The following ACO1 variants were observed in gnomAD, a reference collection of about 807,000 sequenced individuals.
ACO1 encodes cytoplasmic aconitate hydratase.
ACO1 carries 78 observed loss-of-function variants against 105.1 expected under a neutral mutation model. The observed-to-expected ratio is 0.74, with a 90% CI of 0.62 to 0.90. The LOEUF is 0.90. Among genes scored for constraint, ACO1 ranks in the 40% least tolerant of loss-of-function variants. The pLI is 0.00. For synonymous variants in ACO1, 364 were observed against 397.4 expected (o/e 0.92, Z 1.00); for missense variants, 965 against 1,111.1 (o/e 0.87, Z 1.87).
intron 17 of ACO1, chr9:32,436,022 C>A: frequency 1.5e-6 from 1 of 674,672 alleles, no homozygotes; most frequent in East Asian, 2.9e-5. Context: ...GACAATTAAC[C>A]CAGGAGAATA....
chr9:32,431,173 CA>C (rs1822226654), intron 14 of ACO1, among the ~76,000 whole-genome samples: 1 of 152,172 alleles, frequency 6.6e-6, no homozygotes, highest in Non-Finnish European at 1.5e-5. Flanking sequence ...CGGTCATTCA[CA>C]GATCAGCACA....
At chr9:32,388,099 C>T (rs2118317037) in intron 1 of ACO1, among the ~76,000 whole-genome samples, 1 of 152,290 alleles carries the variant, frequency 6.6e-6, no homozygotes, top group South Asian at 2.1e-4. Context: ...CAACTCCCTC[C>T]CTGGAGCCAT....
chr9:32,424,382 GATTA>G (rs1205159892), intron 9 of ACO1, among the ~76,000 whole-genome samples, 163 bp from the exon 10 acceptor site: 1 of 152,196 alleles, frequency 6.6e-6, no homozygotes, highest in African/African-American at 2.4e-5. Context: ...AATCACTTAA[GATTA>G]ATTAAGAGGA....
chr9:32,449,786 T>C (rs1481454067), intron 20 of ACO1, among the ~76,000 whole-genome samples: 2 of 152,162 alleles, frequency 1.3e-5, no homozygotes, highest in Non-Finnish European at 2.9e-5. Context: ...TCTCAAACTG[T>C]AATGGGCAAA....
rs979404314 is a variant in ACO1, at chr9:32,422,203, A to T, written c.971-1116A>T. Among the ~76,000 whole-genome samples, 5 of 152,302 alleles carry T rather than the reference A, an allele frequency of 3.3e-5. No individual in the cohort carries two copies. In the East Asian group the frequency reaches 9.6e-4, roughly 29 times the overall value. On this transcript the variant is annotated intron_variant, in intron 8 of 20. Transcript: ENST00000309951. ...AGTTCCCGTGGTGCTGCAGGTGGCC[A>T]TTATACTTCTTGGTAATCCAGTGCC...
Position 32,395,165 on chromosome 9 carries a change from ACTT to A in ACO1, c.-22-10317_-22-10315del, listed in dbSNP as rs1821346610. On this transcript the variant is annotated intron_variant, in intron 1 of 20. Transcript: ENST00000309951. The stretch of plus-strand genomic sequence containing the variant: ...GAAAGTACAGCTGTCTTCACCCACT[ACTT>A]CTCCTCCTCTTAAAACATAAATGCA... 2.0e-5 allele frequency among the ~76,000 whole-genome samples: 3 copies of A among 152,180 alleles called. No homozygotes were observed. The South Asian group carries it at 6.2e-4, about 32-fold the overall frequency.
At chr9:32,410,892 G>A (rs1821723761) in intron 4 of ACO1, among the ~76,000 whole-genome samples, 1 of 152,212 alleles carries the variant, frequency 6.6e-6, no homozygotes, top group African/African-American at 2.4e-5. Flanking sequence ...GCTTTGCACT[G>A]CAGTAGCCAG....
rs764295557 is a variant in ACO1 at position 32,434,649 on chromosome 9, G to C, written c.2047G>C (p.Ala683Pro). 2 of 1,614,106 alleles carry C rather than the reference G, an allele frequency of 1.2e-6. No homozygotes were observed. The highest frequency in any genetic ancestry group is 2.2e-5 in the South Asian group (2 of 91,080). ...GGTAACAACTGACCACATCTCCCCA[G>C]CTGGAAATATTGCAAGAAACAGTCC... ...DSVTTDHISP[A>P]GNIARNSPAA... Residue 683 changes from alanine (A) to proline (P), a missense_variant, in exon 17 of 21, where the codon GCT becomes CCT. Physicochemically the swap from Ala to Pro is conservative, Grantham distance 27. Coordinates refer to ENST00000309951, the MANE Select transcript of ACO1 (RefSeq NM_002197.3).
chr9:32,394,296 G>T (rs1028715981), intron 1 of ACO1, among the ~76,000 whole-genome samples: 5 of 152,130 alleles, frequency 3.3e-5, no homozygotes, highest in African/African-American at 1.2e-4. Flanking sequence ...GCTTTTCCCT[G>T]GTGGTTCTTT....
chr9:32,433,282 G>A (rs1410498679), intron 15 of ACO1, among the ~76,000 whole-genome samples: 1 of 152,158 alleles, frequency 6.6e-6, no homozygotes, highest in East Asian at 1.9e-4. Flanking sequence ...CACCCAGGCT[G>A]GAGTGCAGTA....
chr9:32,409,963 G>A (rs1563933436), intron 4 of ACO1, among the ~76,000 whole-genome samples: 1 of 152,198 alleles, frequency 6.6e-6, no homozygotes, highest in Non-Finnish European at 1.5e-5. Context: ...ATCAAAATAT[G>A]TGTACCATTT....
At chr9:32,384,890 G>A (rs1481537736) in intron 1 of ACO1, among the ~76,000 whole-genome samples, 155 bp downstream of exon 1, 1 of 152,256 alleles carries the variant, frequency 6.6e-6, no homozygotes, top group African/African-American at 2.4e-5. Flanking sequence ...AGGAGAATCG[G>A]GGACGTGTTT....
At chr9:32,440,053 G>T (rs903320659) in intron 18 of ACO1, among the ~76,000 whole-genome samples, 1 of 152,062 alleles carries the variant, frequency 6.6e-6, no homozygotes, top group Non-Finnish European at 1.5e-5. Flanking sequence ...GATCACTTGA[G>T]GTCAGGAGTT....
rs897292218 is a variant in ACO1, at chr9:32,394,779, T to C, written c.-23+10044T>C. Among the ~76,000 whole-genome samples the C allele has an allele frequency of 2.6e-5, 4 of 152,348 alleles. No homozygotes were observed. The East Asian group carries it at 5.8e-4, about 22-fold the overall frequency. On this transcript the variant is annotated intron_variant, in intron 1 of 20. Transcript: ENST00000309951. ...ATCAGGTCCTCCTGACAGTTGCCTT[T>C]CTTAGGTAAAATCAGTAAATATATG...
intron 1 of ACO1, among the ~76,000 whole-genome samples, chr9:32,389,936 TA>T (rs1473387711): frequency 6.6e-6 from 1 of 151,998 alleles, no homozygotes; most frequent in Non-Finnish European, 1.5e-5. Context: ...TAGCTGGAAT[TA>T]CAGGCGTGCG....
chr9:32,454,028 G>C lies in ACO1; in HGVS notation c.*3917G>C, dbSNP rs141729290. 206 of 152,310 alleles carry C rather than the reference G, an allele frequency of 1.4e-3. 1 individual carries two copies. Among genetic ancestry groups the C allele is most frequent in the African/African-American group, 4.8e-3 (200 of 41,576 alleles). 9.4% of individuals were successfully genotyped at this position (152,310 alleles called of 1,614,324 possible). On this transcript the variant is annotated 3_prime_UTR_variant, in exon 21 of 21. Coordinates refer to ENST00000309951, the MANE Select transcript of ACO1 (RefSeq NM_002197.3). ...TTCCAGACATGTACCTGCCAAATTT[G>C]GTTCTGGTTGTCTTATCGTATGCAG...
chr9:32,424,780 G>A (rs1026312816), intron 10 of ACO1, 115 bp downstream of exon 10: 6 of 730,406 alleles, frequency 8.2e-6, no homozygotes, highest in South Asian at 7.0e-5. Flanking sequence ...GAAGCTTGAG[G>A]GTGTTTATTC....
intron 10 of ACO1, among the ~76,000 whole-genome samples, chr9:32,425,127 A>T (rs188410734): frequency 4.6e-5 from 7 of 152,314 alleles, no homozygotes; most frequent in Non-Finnish European, 8.8e-5. Flanking sequence ...AAATACTTCG[A>T]TAGCATTCCA....
intron 4 of ACO1, among the ~76,000 whole-genome samples, chr9:32,410,296 C>T (rs367775494): frequency 1.2e-4 from 19 of 152,192 alleles, no homozygotes; most frequent in African/African-American, 4.6e-4. Context: ...TGGTGGCTCA[C>T]GCCTGTAATC....
Sources: allele counts gnomAD v4.1 joint callset (sites outside exome capture counted in the v4.1 genomes callset), GRCh38; gene constraint gnomAD v4.1.1; transcripts MANE v1.5; gene names NCBI Gene and HGNC (gene_info 2026-07-23, HGNC 2026-07-21).